Variants in KIAA1958 observed in about 807,000 individuals in gnomAD.
KIAA1958 encodes the protein uncharacterized protein KIAA1958.
A neutral mutation model predicts 47.2 loss-of-function variants in KIAA1958; 14 were observed. The ratio of observed to expected loss-of-function variants is 0.30; its 90% confidence interval spans 0.20 to 0.46. The LOEUF (loss-of-function observed/expected upper bound fraction) is 0.46. KIAA1958 is among the 20% of genes least tolerant of loss of function. The pLI is 1.00. For synonymous variants in KIAA1958, 354 were observed against 353.3 expected (o/e 1.00, Z -0.02); for missense variants, 803 against 909.2 (o/e 0.88, Z 1.50).
chr9:112,522,198 C>T (rs1343992883), intron 1 of KIAA1958, among the ~76,000 whole-genome samples: 6 of 152,032 alleles, frequency 3.9e-5, no homozygotes, highest in Non-Finnish European at 7.4e-5. Context: ...CTCGAACTCC[C>T]GACCTCAGGT....
intron 1 of KIAA1958, among the ~76,000 whole-genome samples, chr9:112,566,919 A>T (rs1246599803): frequency 6.6e-6 from 1 of 152,210 alleles, no homozygotes; most frequent in African/African-American, 2.4e-5. Flanking sequence ...TTTAAATTAC[A>T]TGGCAGTACA....
At chr9:112,503,876 A>G (rs577108100) in intron 1 of KIAA1958, among the ~76,000 whole-genome samples, 20 of 152,054 alleles carry the variant, frequency 1.3e-4, no homozygotes, top group African/African-American at 4.3e-4. Context: ...AAAAGATTGG[A>G]AGGAAATACC....
At chr9:112,559,375 C>T (rs1261133066) in intron 1 of KIAA1958, among the ~76,000 whole-genome samples, 3 of 151,990 alleles carry the variant, frequency 2.0e-5, no homozygotes, top group African/African-American at 4.8e-5. Context: ...GCAAAGGAAA[C>T]CAAGAATAGC....
intron 2 of KIAA1958, among the ~76,000 whole-genome samples, chr9:112,594,069 T>C (rs1010038879): frequency 1.3e-5 from 2 of 152,102 alleles, no homozygotes; most frequent in African/African-American, 4.8e-5. Flanking sequence ...CTCACTACAT[T>C]GCCCCAGCTG....
chr9:112,524,307 C>G (rs1266647932), intron 1 of KIAA1958, among the ~76,000 whole-genome samples: 2 of 152,226 alleles, frequency 1.3e-5, no homozygotes, highest in East Asian at 1.9e-4. Context: ...GGAATTGACT[C>G]TCTTTTGTGT....
intron 1 of KIAA1958, among the ~76,000 whole-genome samples, chr9:112,489,076 G>A (rs772691725): frequency 1.3e-4 from 20 of 152,152 alleles, no homozygotes; most frequent in Non-Finnish European, 2.1e-4. Flanking sequence ...TGTGGCTCTG[G>A]TAGGCCCTTG....
intron 1 of KIAA1958, among the ~76,000 whole-genome samples, chr9:112,534,955 CTTT>C (rs1180226603): frequency 1.1e-4 from 16 of 152,086 alleles, no homozygotes; most frequent in Non-Finnish European, 2.1e-4. Flanking sequence ...TGTCTCTTGA[CTTT>C]GTTGTGTGTT....
intron 1 of KIAA1958, among the ~76,000 whole-genome samples, chr9:112,546,525 G>A (rs568764631): frequency 1.3e-5 from 2 of 151,832 alleles, no homozygotes; most frequent in Non-Finnish European, 2.9e-5. Flanking sequence ...TGCCCAGGCT[G>A]GAGTGCAGTG....
intron 1 of KIAA1958, among the ~76,000 whole-genome samples, chr9:112,521,198 A>ATGTTGT (rs539494718): frequency 1.4e-4 from 21 of 151,638 alleles, no homozygotes; most frequent in African/African-American, 7.3e-5. Flanking sequence ...TAAATAGCCT[A>ATGTTGT]TGTTGTTGTT....
intron 2 of KIAA1958, among the ~76,000 whole-genome samples, chr9:112,582,802 G>A (rs2131182376): frequency 6.6e-6 from 1 of 152,226 alleles, no homozygotes; most frequent in East Asian, 1.9e-4. Context: ...TAGTTCTGTG[G>A]AATGAGTTCC....
chr9:112,588,382 C>T (rs922367473), intron 2 of KIAA1958, among the ~76,000 whole-genome samples: 3 of 152,130 alleles, frequency 2.0e-5, no homozygotes, highest in African/African-American at 7.2e-5. Context: ...GGGCTTAGAA[C>T]AATTTCTGGT....
intron 2 of KIAA1958, among the ~76,000 whole-genome samples, chr9:112,622,473 A>G (rs1287715455): frequency 2.6e-5 from 4 of 152,224 alleles, no homozygotes; most frequent in Non-Finnish European, 5.9e-5. Flanking sequence ...CATAGATGCT[A>G]GCTATTTTTA....
At chr9:112,620,757 T>C (rs1055218312) in intron 2 of KIAA1958, among the ~76,000 whole-genome samples, 2 of 151,096 alleles carry the variant, frequency 1.3e-5, no homozygotes, top group African/African-American at 4.9e-5. Flanking sequence ...GTGACTTACA[T>C]GGATCACATA....
intron 1 of KIAA1958, among the ~76,000 whole-genome samples, chr9:112,513,246 C>T (rs1834352710): frequency 7.8e-6 from 1 of 127,894 alleles, no homozygotes; most frequent in African/African-American, 3.1e-5. Flanking sequence ...CTCAGGTGAT[C>T]CACCCACCTC....
intron 1 of KIAA1958, among the ~76,000 whole-genome samples, chr9:112,527,012 T>C (rs1356329305): frequency 2.0e-5 from 3 of 152,258 alleles, no homozygotes; most frequent in Admixed American, 1.3e-4. Context: ...TACCAACTTA[T>C]CATCTTAACT....
intron 1 of KIAA1958, among the ~76,000 whole-genome samples, chr9:112,532,485 AGGAAATATCATTGCATGC>A (rs1834767311): frequency 6.6e-6 from 1 of 152,140 alleles, no homozygotes; most frequent in South Asian, 2.1e-4. Context: ...TTCTATCACT[AGGAAATATCATTGCATGC>A]AAGAGAATAG....
chr9:112,625,158 C>T (rs1000212273), intron 2 of KIAA1958, among the ~76,000 whole-genome samples: 2 of 151,926 alleles, frequency 1.3e-5, no homozygotes, highest in Non-Finnish European at 2.9e-5. Flanking sequence ...ATTTGTTTTT[C>T]GAGACAGGGT....
At chr9:112,624,374 G>A (rs1280292040) in intron 2 of KIAA1958, among the ~76,000 whole-genome samples, 1 of 152,142 alleles carries the variant, frequency 6.6e-6, no homozygotes, top group East Asian at 1.9e-4. Context: ...TTCCCACTTG[G>A]ATCTGGTTAA....
Position 112,659,563 on chromosome 9 carries a change from G to GGTGGCAGGCAGGGTGTCTGGGA in KIAA1958, c.1645_1646insGTGGCAGGCAGGGTGTCTGGGA (p.Asp549GlyfsTer9). On this transcript the variant is annotated frameshift_variant, in exon 4 of 4. Coordinates refer to ENST00000337530, the MANE Select transcript of KIAA1958 (RefSeq NM_133465.4). LOFTEE classifies it high-confidence loss of function. The stretch of plus-strand genomic sequence containing the variant: ...GATGTGGCAGGCAGGGTGTCTGGGG[G>GGTGGCAGGCAGGGTGTCTGGGA]ATGACAGCCCTATCACTCTCCTGTC... 6.2e-7 allele frequency: 1 copy of GGTGGCAGGCAGGGTGTCTGGGA among 1,613,090 alleles called. No individual in the cohort carries two copies. The highest frequency in any genetic ancestry group is 8.5e-7 in the Non-Finnish European group (1 of 1,179,562).
Sources: gnomAD v4.1 joint callset for allele counts (sites outside exome capture counted in the v4.1 genomes callset) on GRCh38, gnomAD v4.1.1 for gene constraint, MANE v1.5 for transcripts, NCBI Gene and HGNC (gene_info 2026-07-23, HGNC 2026-07-21) for gene names.